CSMD3: variants seen among roughly 807,000 people sequenced by gnomAD.
The protein encoded by CSMD3 is CUB and Sushi multiple domains 3.
CSMD3 carries 177 observed loss-of-function variants against 435.2 expected under a neutral mutation model. That is an observed-to-expected ratio of 0.41 (90% CI 0.36 to 0.46). The LOEUF is 0.46. Among genes scored for constraint, CSMD3 ranks in the 20% least tolerant of loss-of-function variants. The pLI is 0.34. For missense variants in CSMD3, 4,265 were observed against 4,504.6 expected (o/e 0.95, Z 1.52); for synonymous variants, 1,656 against 1,520.5 (o/e 1.09, Z -2.07).
chr8:112,497,903 A>T (rs1408323783), intron 30 of CSMD3, among the ~76,000 whole-genome samples: 2 of 152,248 alleles, frequency 1.3e-5, no homozygotes, highest in Non-Finnish European at 2.9e-5. Flanking sequence ...AGGACCAGGT[A>T]GAAAATTAAT....
rs60954863 is a variant in CSMD3 at position 112,849,415 on chromosome 8, G to A, written c.1755+9730C>T. On this transcript the variant is annotated intron_variant, in intron 11 of 70. Transcript: ENST00000297405. Reference sequence around the variant, plus strand: ...GCTTAGTTCTTTACATTATATGGAAGAATTGTCTAATTAAAATCATTGTAA... The same window carrying A: ...GCTTAGTTCTTTACATTATATGGAAAAATTGTCTAATTAAAATCATTGTAA... Among the ~76,000 whole-genome samples the A allele has an allele frequency of 4.9e-3, 746 of 151,990 alleles. 4 individuals are homozygous for A. The highest frequency in any genetic ancestry group is 0.017 in the African/African-American group (693 of 41,474).
At chr8:112,606,972 G>GAAAAAAAAAAAAAAAAAAAA (rs71309778) in intron 22 of CSMD3, among the ~76,000 whole-genome samples, 1 of 36,638 alleles carries the variant, frequency 2.7e-5, no homozygotes, top group Non-Finnish European at 4.7e-5. Context: ...CTCAAGCTAT[G>GAAAAAAAAAAAAAAAAAAAA]AAAAAAAAAA....
At chr8:112,677,559 G>C (rs886877625) in intron 16 of CSMD3, among the ~76,000 whole-genome samples, 2 of 149,768 alleles carry the variant, frequency 1.3e-5, no homozygotes, top group Admixed American at 1.4e-4. Context: ...TAGCAAAATT[G>C]TACTGTCTCA....
intron 10 of CSMD3, among the ~76,000 whole-genome samples, chr8:112,869,245 A>C (rs1482755389): frequency 6.6e-6 from 1 of 152,118 alleles, no homozygotes; most frequent in Non-Finnish European, 1.5e-5. Context: ...TTATAAGAAA[A>C]ATTCTGTTGG....
chr8:112,252,731 C>A (rs2098455), intron 63 of CSMD3, among the ~76,000 whole-genome samples: 1 of 146,324 alleles, frequency 6.8e-6, no homozygotes, highest in African/African-American at 2.5e-5. Flanking sequence ...CTGCCATATG[C>A]ATGTAAGAAA....
intron 59 of CSMD3, among the ~76,000 whole-genome samples, chr8:112,265,963 T>C (rs941222574): frequency 7.2e-5 from 11 of 152,166 alleles, no homozygotes; most frequent in Non-Finnish European, 1.5e-4. Context: ...TTCCTATATA[T>C]GGCTACTGAA....
Position 113,270,675 on chromosome 8 carries a change from G to C in CSMD3, c.514+7917C>G, listed in dbSNP as rs561895515. 5.3e-5 allele frequency among the ~76,000 whole-genome samples: 8 copies of C among 152,152 alleles called. No individual in the cohort carries two copies. The South Asian group carries it at 1.7e-3, about 32-fold the overall frequency. On this transcript the variant is annotated intron_variant, in intron 3 of 70. Transcript: ENST00000297405. ...AAAGGATGAGTTCATGTCCTTTGTAGGGACATGGATGAAGCTGGAAACCAT... is the reference window on the plus strand; with the variant it reads ...AAAGGATGAGTTCATGTCCTTTGTACGGACATGGATGAAGCTGGAAACCAT...
chr8:113,348,346 A>G (rs1360499088), intron 1 of CSMD3, among the ~76,000 whole-genome samples: 1 of 152,154 alleles, frequency 6.6e-6, no homozygotes, highest in East Asian at 1.9e-4. Context: ...ATTTCTCAAG[A>G]TCATACAGCT....
At chr8:112,318,713 A>G (rs1326742862) in intron 47 of CSMD3, 124 bp downstream of exon 47, 23 of 677,588 alleles carry the variant, frequency 3.4e-5, no homozygotes, top group Admixed American at 9.7e-5. Flanking sequence ...GAGTTATAAA[A>G]TGTATAGCAT....
intron 27 of CSMD3, among the ~76,000 whole-genome samples, chr8:112,522,125 T>A (rs185594352): frequency 6.6e-6 from 1 of 151,966 alleles, no homozygotes; most frequent in East Asian, 1.9e-4. Context: ...ATACATTTGC[T>A]ATGACAAATT....
At chr8:112,637,148 T>C in intron 21 of CSMD3, 143 bp from the exon 22 acceptor site, 2 of 678,154 alleles carry the variant, frequency 2.9e-6, no homozygotes, top group Non-Finnish European at 5.2e-6. Context: ...TATCAGAACG[T>C]ACAAATGGCA....
At chr8:112,294,187 A>C (rs1820042178) in intron 54 of CSMD3, among the ~76,000 whole-genome samples, 1 of 152,052 alleles carries the variant, frequency 6.6e-6, no homozygotes, top group Admixed American at 6.6e-5. Context: ...TTATCCTATT[A>C]TCATTACCAT....
chr8:112,241,018 G>A (rs568702549), intron 66 of CSMD3, among the ~76,000 whole-genome samples: 1 of 152,054 alleles, frequency 6.6e-6, no homozygotes, highest in South Asian at 2.1e-4. Context: ...CTAGTCTTGG[G>A]TATATCTTTA....
In CSMD3 at chr8:112,844,100, T is replaced by C. The variant is rs543426992; in HGVS notation, c.1756-14311A>G. Among the ~76,000 whole-genome samples the C allele has an allele frequency of 3.9e-5, 6 of 152,002 alleles. 1 individual carries two copies. The South Asian group carries it at 8.3e-4, about 21-fold the overall frequency. Reference sequence around the variant, plus strand: ...TCTATACAATAATATTAACTATTCATACAATTAATAGGAGGATTAAGTGAG... The same window carrying C: ...TCTATACAATAATATTAACTATTCACACAATTAATAGGAGGATTAAGTGAG... On this transcript the variant is annotated intron_variant, in intron 11 of 70. Coordinates refer to ENST00000297405, the MANE Select transcript of CSMD3 (RefSeq NM_198123.2).
intron 3 of CSMD3, among the ~76,000 whole-genome samples, chr8:113,249,227 C>G (rs1019971809): frequency 1.4e-4 from 22 of 152,150 alleles, no homozygotes; most frequent in African/African-American, 5.1e-4. Context: ...AACTGTGAGT[C>G]AATTTTCTCT....
intron 2 of CSMD3, among the ~76,000 whole-genome samples, chr8:113,282,428 A>C (rs1448986435): frequency 6.6e-6 from 1 of 152,010 alleles, no homozygotes; most frequent in Non-Finnish European, 1.5e-5. Context: ...TAGCTCTTCT[A>C]TACACCAACA....
intron 50 of CSMD3, among the ~76,000 whole-genome samples, chr8:112,309,215 A>C (rs1821726062): frequency 6.6e-6 from 1 of 152,012 alleles, no homozygotes; most frequent in Non-Finnish European, 1.5e-5. Flanking sequence ...CACTAATTCT[A>C]CAAAGCAATT....
intron 5 of CSMD3, among the ~76,000 whole-genome samples, chr8:113,066,038 C>A (rs1216673750): frequency 6.8e-6 from 1 of 146,300 alleles, no homozygotes. Flanking sequence ...ATGCTCTGCT[C>A]AATTTTTTTT....
At chr8:112,456,215 G>A (rs1488722356) in intron 32 of CSMD3, among the ~76,000 whole-genome samples, 1 of 152,076 alleles carries the variant, frequency 6.6e-6, no homozygotes, top group Admixed American at 6.6e-5. Flanking sequence ...TTATAAGTAG[G>A]TAAGAACTAT....
Sources: gnomAD v4.1 joint callset for allele counts (sites outside exome capture counted in the v4.1 genomes callset) on GRCh38, gnomAD v4.1.1 for gene constraint, MANE v1.5 for transcripts, NCBI Gene and HGNC (gene_info 2026-07-23, HGNC 2026-07-21) for gene names.